The following NIPBL variants were observed in gnomAD, a reference collection of about 807,000 sequenced individuals.
The protein encoded by NIPBL is nipped-B-like protein.
In NIPBL, 19 loss-of-function variants were observed where a neutral mutation model predicts 321.8. The observed-to-expected ratio is 0.06, with a 90% CI of 0.04 to 0.09. The LOEUF (loss-of-function observed/expected upper bound fraction) is 0.09. Among genes scored for constraint, NIPBL ranks in the 10% least tolerant of loss-of-function variants. The pLI, the probability that NIPBL is intolerant of heterozygous loss-of-function variation, is 1.00. For missense variants in NIPBL, 2,210 were observed against 3,327.0 expected (o/e 0.66, Z 8.26); for synonymous variants, 1,106 against 1,114.1 (o/e 0.99, Z 0.14).
intron 46 of NIPBL, 159 bp from the exon 47 acceptor site, chr5:37,064,368 T>C: frequency 1.0e-6 from 1 of 985,394 alleles, no homozygotes; most frequent in Non-Finnish European, 1.2e-6. Context: ...GTTAACCCCT[T>C]GGCGCTGGCG....
intron 32 of NIPBL, among the ~76,000 whole-genome samples, chr5:37,030,749 T>C (rs1460269076): frequency 1.3e-5 from 2 of 151,840 alleles, no homozygotes; most frequent in African/African-American, 2.4e-5. Flanking sequence ...TAAATAATTA[T>C]GTTAGTATAT....
chr5:36,950,093 G>A (rs977366195), intron 1 of NIPBL, among the ~76,000 whole-genome samples: 15 of 151,854 alleles, frequency 9.9e-5, no homozygotes, highest in African/African-American at 1.7e-4. Flanking sequence ...TCTGCTTTCT[G>A]TCGCCAGTAT....
rs750933664 is a variant in NIPBL at position 36,985,110 on chromosome 5, G to A, written c.1930G>A (p.Val644Ile). 3.7e-6 allele frequency: 6 copies of A among 1,613,806 alleles called. No individual in the cohort carries two copies. Among genetic ancestry groups the A allele is most frequent in the African/African-American group, 1.3e-5 (1 of 74,988 alleles). Residue 644 changes from valine to isoleucine, a missense_variant, in exon 10 of 47, where the codon GTT becomes ATT. Val to Ile is a conservative substitution (Grantham distance 29). Around this residue, in one of 14 missense-constraint regions of NIPBL, gnomAD observed 588 missense variants for 564.1 expected, o/e 1.04. Coordinates refer to ENST00000282516, the MANE Select transcript of NIPBL (RefSeq NM_133433.4). Reference protein sequence around the residue: ...KSSENKLETKVETQTEELKQN... With the variant: ...KSSENKLETKIETQTEELKQN... ...AAGTGAAAATAAGTTAGAAACTAAA[G>A]TTGAGACCCAAACAGAAGAACTTAA...
At chr5:37,012,341 G>T (rs1748237384) in intron 21 of NIPBL, among the ~76,000 whole-genome samples, 1 of 148,324 alleles carries the variant, frequency 6.7e-6, no homozygotes, top group Non-Finnish European at 1.5e-5. Flanking sequence ...TTATCTTGGT[G>T]ATATTCTCTT....
chr5:36,982,230 C>G, intron 9 of NIPBL: 1 of 980,190 alleles, frequency 1.0e-6, no homozygotes, highest in Non-Finnish European at 1.2e-6. Flanking sequence ...CAGGTAATCA[C>G]TGTCCTAAAT....
chr5:36,989,284 T>C (rs1016606703), intron 10 of NIPBL, among the ~76,000 whole-genome samples: 5 of 152,210 alleles, frequency 3.3e-5, no homozygotes, highest in Non-Finnish European at 4.4e-5. Flanking sequence ...GTCACACTTA[T>C]TTTGATCTAT....
chr5:37,033,728 A>ATTT (rs1423279625), intron 32 of NIPBL, among the ~76,000 whole-genome samples: 57 of 48,386 alleles, frequency 1.2e-3, no homozygotes, highest in Non-Finnish European at 1.4e-3. Context: ...ATATATATAT[A>ATTT]TATTTTTTTT....
intron 30 of NIPBL, among the ~76,000 whole-genome samples, chr5:37,025,472 C>T (rs1469114561): frequency 6.6e-6 from 1 of 151,968 alleles, no homozygotes; most frequent in Non-Finnish European, 1.5e-5. Context: ...AAATTTATCT[C>T]ATAGAGATAG....
intron 21 of NIPBL, among the ~76,000 whole-genome samples, chr5:37,011,782 T>G (rs1451651904): frequency 6.6e-6 from 1 of 152,086 alleles, no homozygotes; most frequent in Non-Finnish European, 1.5e-5. Flanking sequence ...CAGCTAATTT[T>G]TTCACTCAAC....
chr5:36,986,138 A>G lies in NIPBL; in HGVS notation c.2958A>G (p.Val986=). 6.2e-7 allele frequency: 1 copy of G among 1,614,006 alleles called. No homozygotes were observed. Among genetic ancestry groups the G allele is most frequent in the South Asian group, 1.1e-5 (1 of 91,088 alleles). The change falls in exon 10 of 47, where the codon GTA becomes GTG. Residue 986 remains valine, a synonymous_variant. Coordinates refer to ENST00000282516, the MANE Select transcript of NIPBL (RefSeq NM_133433.4). ...MEMKGEPKDK[V]EKIGLVEDLN... ...TGAAAGGAGAGCCGAAAGACAAAGT[A>G]GAAAAAATAGGATTAGTTGAAGATC...
Position 37,061,103 on chromosome 5 carries a change from C to G in NIPBL, c.7860+85C>G. ...GGGGGGCCGGTGGGGAGATAACTAT[C>G]TCCTTCACATTGAATATAAGCTTCA... On this transcript the variant is annotated intron_variant, in intron 45 of 46. Transcript: ENST00000282516. 3.2e-6 allele frequency: 3 copies of G among 934,072 alleles called. No individual in the cohort carries two copies. The East Asian group carries it at 7.4e-5, about 23-fold the overall frequency. The allele number at this position is 934,072 out of a possible 1,614,324, so 57.9% of individuals were successfully genotyped here.
At chr5:37,016,944 G>C (rs1030381159) in intron 23 of NIPBL, 75 bp from the exon 24 acceptor site, 4 of 1,013,648 alleles carry the variant, frequency 3.9e-6, no homozygotes, top group Non-Finnish European at 5.7e-6. Context: ...TTTAGATTGG[G>C]AATTTATATG....
intron 45 of NIPBL, among the ~76,000 whole-genome samples, chr5:37,061,240 A>G (rs1425392592): frequency 1.3e-5 from 2 of 152,218 alleles, no homozygotes; most frequent in Non-Finnish European, 2.9e-5. Flanking sequence ...ACAGCAGCCC[A>G]CGAATAATTT....
intron 1 of NIPBL, among the ~76,000 whole-genome samples, chr5:36,920,821 CTTAA>C (rs1748877667): frequency 6.6e-6 from 1 of 150,790 alleles, no homozygotes; most frequent in Non-Finnish European, 1.5e-5. Flanking sequence ...TTCTTTGTTC[CTTAA>C]TTTTTTTTTT....
chr5:37,027,456 T>TA, intron 32 of NIPBL, 44 bp downstream of exon 32: 1 of 1,482,724 alleles, frequency 6.7e-7, no homozygotes. Flanking sequence ...TTTAATAGGT[T>TA]AGTTTTTTGT....
rs370552944 is a variant in NIPBL at position 36,961,621 on chromosome 5, G to A, written c.458+38G>A. The A allele has an allele frequency of 5.8e-6, 7 of 1,214,632 alleles. No homozygotes were observed. In the African/African-American group the frequency reaches 8.9e-5, roughly 15 times the overall value. The allele number at this position is 1,214,632 out of a possible 1,614,324, so 75.2% of individuals were successfully genotyped here. ...TATATCGTTTATTAAATATTGTCTT[G>A]TATGGTGAATATGCTGGTGAATATA... is the stretch of plus-strand genomic sequence containing the variant. On this transcript the variant is annotated intron_variant, in intron 5 of 46. Coordinates refer to ENST00000282516, the MANE Select transcript of NIPBL (RefSeq NM_133433.4).
intron 32 of NIPBL, among the ~76,000 whole-genome samples, chr5:37,031,756 G>A (rs2149711402): frequency 6.6e-6 from 1 of 152,202 alleles, no homozygotes; most frequent in Admixed American, 6.5e-5. Context: ...CAATTTAATA[G>A]TACTCCACAT....
chr5:36,938,382 GA>G (rs1738690030), intron 1 of NIPBL, among the ~76,000 whole-genome samples: 1 of 152,008 alleles, frequency 6.6e-6, no homozygotes, highest in South Asian at 2.1e-4. Flanking sequence ...GTGAGAAAGG[GA>G]AAGACGAGGA....
At chr5:36,918,772 A>G (rs909069972) in intron 1 of NIPBL, among the ~76,000 whole-genome samples, 5 of 152,124 alleles carry the variant, frequency 3.3e-5, no homozygotes, top group Non-Finnish European at 7.4e-5. Flanking sequence ...TTCTGCATCT[A>G]CTGAGATAAT....
Sources: allele counts gnomAD v4.1 joint callset (sites outside exome capture counted in the v4.1 genomes callset), GRCh38; gene constraint gnomAD v4.1.1; regional missense constraint gnomAD v4.1.1; transcripts MANE v1.5; gene names NCBI Gene and HGNC (gene_info 2026-07-23, HGNC 2026-07-21).